Variants in BEAN1 observed in about 807,000 individuals in gnomAD.
BEAN1 encodes the protein protein BEAN1.
BEAN1 carries 17 observed loss-of-function variants against 17.7 expected under a neutral mutation model. That is an observed-to-expected ratio of 0.96 (90% confidence interval 0.66 to 1.44). BEAN1 has a LOEUF of 1.44. Ranked by LOEUF, BEAN1 falls within the 40% of genes most tolerant of loss-of-function variation. The pLI is 0.00. For synonymous variants in BEAN1, 142 were observed against 151.8 expected (o/e 0.94, Z 0.47); for missense variants, 359 against 374.1 (o/e 0.96, Z 0.33).
At chr16:66,459,132 T>TG (rs1284915813) in intron 2 of BEAN1, among the ~76,000 whole-genome samples, 1 of 152,182 alleles carries the variant, frequency 6.6e-6, no homozygotes, top group African/African-American at 2.4e-5. Flanking sequence ...GCAGAGGCCG[T>TG]GGGCTCAGCT....
At chr16:66,457,760 T>C (rs1416461508) in intron 2 of BEAN1, among the ~76,000 whole-genome samples, 1 of 150,714 alleles carries the variant, frequency 6.6e-6, no homozygotes, top group African/African-American at 2.4e-5. Context: ...AGGACAGATA[T>C]CAGCAAGTGA....
At chr16:66,429,710 CT>C (rs1204848959) in intron 1 of BEAN1, among the ~76,000 whole-genome samples, 1 of 152,192 alleles carries the variant, frequency 6.6e-6, no homozygotes, top group Admixed American at 6.5e-5. Flanking sequence ...TAGCTTCCCC[CT>C]CCCCTTCCCC....
chr16:66,432,742 T>C (rs34297423), intron 1 of BEAN1, among the ~76,000 whole-genome samples: 16,969 of 152,214 alleles, frequency 0.11, 1,072 homozygotes, highest in Middle Eastern at 0.23. Context: ...CTCTATCAGA[T>C]CCATCTGTCC....
chr16:66,494,257 T>G (rs1185708883), downstream of BEAN1, among the ~76,000 whole-genome samples: 1 of 152,102 alleles, frequency 6.6e-6, no homozygotes, highest in Non-Finnish European at 1.5e-5. Context: ...TGGCCAAACC[T>G]ATGGCTTGCT....
chr16:66,478,866 C>T (rs1216257913), intron 4 of BEAN1: 1 of 152,530 alleles, frequency 6.6e-6, no homozygotes, highest in Admixed American at 6.5e-5. Flanking sequence ...TTCAGAGATA[C>T]AGAGGAGGGT....
At chr16:66,479,049 C>G (rs972535762) in intron 4 of BEAN1, 2 of 152,302 alleles carry the variant, frequency 1.3e-5, no homozygotes, top group African/African-American at 4.8e-5. Flanking sequence ...GGTTGATGCT[C>G]TCAGGCATGT....
chr16:66,435,613 G>A (rs532245576), intron 1 of BEAN1, among the ~76,000 whole-genome samples: 78 of 152,192 alleles, frequency 5.1e-4, no homozygotes, highest in Admixed American at 2.7e-3. Context: ...TCAGCCTCCC[G>A]AGTAGCTGGG....
At chr16:66,451,197 A>T (rs2142400337) in intron 2 of BEAN1, 1 of 152,992 alleles carries the variant, frequency 6.5e-6, no homozygotes, top group South Asian at 2.1e-4. Flanking sequence ...TGAAGAAGGA[A>T]CTCTTTTGTC....
chr16:66,467,381 T>G (rs1963292947), intron 2 of BEAN1, among the ~76,000 whole-genome samples: 1 of 152,134 alleles, frequency 6.6e-6, no homozygotes, highest in South Asian at 2.1e-4. Context: ...CAGACAATCA[T>G]GGCGGAAGGC....
chr16:66,480,557 G>A, intron 4 of BEAN1, 29 bp from the exon 5 acceptor site: 1 of 1,482,542 alleles, frequency 6.7e-7, no homozygotes, highest in Non-Finnish European at 9.1e-7. Context: ...GGCCTAGGTG[G>A]GGCACTGAGG....
chr16:66,444,452 G>T (rs779294958), intron 2 of BEAN1, among the ~76,000 whole-genome samples: 9 of 152,148 alleles, frequency 5.9e-5, no homozygotes, highest in Non-Finnish European at 1.2e-4. Flanking sequence ...AGGTCCCCTC[G>T]GTGGTCCCTG....
exon 5 of BEAN1, chr16:66,492,998 A>G (rs1964196238): frequency 1.4e-6 from 1 of 702,950 alleles, no homozygotes; most frequent in Non-Finnish European, 2.6e-6. Flanking sequence ...GGTGCGATCT[A>G]TGCTTTCCAG....
chr16:66,486,171 T>C (rs922571361), downstream of BEAN1, among the ~76,000 whole-genome samples: 1 of 152,204 alleles, frequency 6.6e-6, no homozygotes, highest in Non-Finnish European at 1.5e-5. Flanking sequence ...GGCCCAGACA[T>C]GTCCTCATCC....
chr16:66,448,655 C>T (rs1962547714), intron 2 of BEAN1, among the ~76,000 whole-genome samples: 1 of 152,108 alleles, frequency 6.6e-6, no homozygotes, highest in African/African-American at 2.4e-5. Context: ...AACCTCGTCT[C>T]TACTAAAAAA....
chr16:66,474,761 G>GA (rs997225656), intron 3 of BEAN1, among the ~76,000 whole-genome samples: 1 of 151,824 alleles, frequency 6.6e-6, no homozygotes, highest in African/African-American at 2.4e-5. Flanking sequence ...AAGAAAGAAA[G>GA]AAGAAAGAAA....
chr16:66,442,304 C>T (rs1962287479), intron 2 of BEAN1, among the ~76,000 whole-genome samples: 1 of 152,246 alleles, frequency 6.6e-6, no homozygotes, highest in Admixed American at 6.5e-5. Flanking sequence ...AGATGCTTCA[C>T]AACCTCTTTC....
At chr16:66,489,887 G>C (rs960603208) in intron 4 of BEAN1, among the ~76,000 whole-genome samples, 2 of 152,008 alleles carry the variant, frequency 1.3e-5, no homozygotes, top group Non-Finnish European at 2.9e-5. Flanking sequence ...CTCAATCAAA[G>C]GGATATGAAC....
chr16:66,472,347 T>A (rs1199568726), intron 3 of BEAN1, among the ~76,000 whole-genome samples: 1 of 152,204 alleles, frequency 6.6e-6, no homozygotes, highest in Non-Finnish European at 1.5e-5. Context: ...AAGCGCTCCA[T>A]GGGCAAGGTA....
At chr16:66,472,822 C>T (rs1289481674) in intron 3 of BEAN1, among the ~76,000 whole-genome samples, 1 of 152,076 alleles carries the variant, frequency 6.6e-6, no homozygotes, top group African/African-American at 2.4e-5. Context: ...GAGTTTGAGA[C>T]CAGCCTGGGC....
Sources: gnomAD v4.1 joint callset for allele counts (sites outside exome capture counted in the v4.1 genomes callset) on GRCh38, gnomAD v4.1.1 for gene constraint, MANE v1.5 for transcripts, NCBI Gene and HGNC (gene_info 2026-07-23, HGNC 2026-07-21) for gene names.